The following CSMD2 variants were observed in gnomAD, a reference collection of about 807,000 sequenced individuals.
CSMD2 encodes CUB and Sushi multiple domains 2.
In CSMD2, 130 loss-of-function variants were observed where a neutral mutation model predicts 398.5. That is an observed-to-expected ratio of 0.33 (90% CI 0.28 to 0.38). The LOEUF (loss-of-function observed/expected upper bound fraction) is 0.38, where lower values mean the gene tolerates loss of function less well. Ranked by LOEUF, CSMD2 falls within the 10% of genes least tolerant of loss-of-function variation. CSMD2 has a pLI of 1.00. For missense variants in CSMD2, 3,829 were observed against 4,764.9 expected (o/e 0.80, Z 5.78); for synonymous variants, 1,828 against 1,908.5 (o/e 0.96, Z 1.10).
Position 33,616,924 on chromosome 1 carries a change from G to A in CSMD2, c.5998C>T (p.Pro2000Ser). 1 of 1,614,134 alleles carries A rather than the reference G, an allele frequency of 6.2e-7. No homozygotes were observed. The highest frequency in any genetic ancestry group is 8.5e-7 in the Non-Finnish European group (1 of 1,179,968). ...MPGTVRRWNY[P>S]PPLCIAQCGG... Reference sequence around the variant, plus strand: ...GTCTTACCAATACAGAGTGGAGGAGGGTAGTTCCATCGCCGCACTGTTCCG... The same window carrying A: ...GTCTTACCAATACAGAGTGGAGGAGAGTAGTTCCATCGCCGCACTGTTCCG... Residue 2000 changes from proline (P) to serine (S), a missense_variant, in exon 39 of 71, where the codon CCT becomes TCT. Physicochemically the swap from Pro to Ser is moderately conservative, Grantham distance 74. Coordinates refer to ENST00000373381, the MANE Select transcript of CSMD2 (RefSeq NM_001281956.2).
chr1:34,040,731 A>G (rs1031817180), intron 2 of CSMD2, among the ~76,000 whole-genome samples: 2 of 152,198 alleles, frequency 1.3e-5, no homozygotes, highest in Non-Finnish European at 2.9e-5. Context: ...CACCCATGAA[A>G]TGAGGCGAGA....
chr1:33,877,056 G>A (rs1310119120), intron 5 of CSMD2, among the ~76,000 whole-genome samples: 1 of 152,194 alleles, frequency 6.6e-6, no homozygotes, highest in African/African-American at 2.4e-5. Context: ...AAAGAGGGTA[G>A]GAGAATGACT....
Position 33,541,232 on chromosome 1 carries a change from T to A in CSMD2, c.9355A>T (p.Thr3119Ser), listed in dbSNP as rs1656305145. The change falls in exon 59 of 71, where the codon ACA becomes TCA. Residue 3119 changes from threonine (T) to serine (S), a missense_variant. Transcript: ENST00000373381. ...GNDFRYNKTV[T>S]YQCVPGYMME... ...ATATAGCCAGGGACACACTGATATG[T>A]CACAGTTTTGTTGTACCTGAAGTCA... is the stretch of plus-strand genomic sequence containing the variant. 1 of 1,613,912 alleles carries A rather than the reference T, an allele frequency of 6.2e-7. No homozygotes were observed. Among genetic ancestry groups the A allele is most frequent in the Non-Finnish European group, 8.5e-7 (1 of 1,179,946 alleles).
chr1:34,067,909 GTCAGGATTGGGGAGGCACA>G (rs1240050531), intron 2 of CSMD2, among the ~76,000 whole-genome samples: 1 of 152,210 alleles, frequency 6.6e-6, no homozygotes, highest in Non-Finnish European at 1.5e-5. Flanking sequence ...ACTCCAGGAA[GTCAGGATTGGGGAGGCACA>G]TCCCCAGGTA....
At chr1:33,868,066 A>T (rs1384679477) in intron 5 of CSMD2, among the ~76,000 whole-genome samples, 1 of 152,164 alleles carries the variant, frequency 6.6e-6, no homozygotes, top group East Asian at 1.9e-4. Context: ...ATGTAATGAC[A>T]ATGGAGAGAG....
At chr1:33,591,928 A>G (rs1287871264) in intron 44 of CSMD2, 9 of 169,664 alleles carry the variant, frequency 5.3e-5, no homozygotes, top group Admixed American at 3.3e-4. Context: ...CTAATCTCTT[A>G]CTATTTTTAC....
In CSMD2 at chr1:33,635,534, C is replaced by T. The variant is rs1032262473; in HGVS notation, c.4970-204G>A. On this transcript the variant is annotated intron_variant, in intron 30 of 70. Transcript: ENST00000373381. This position sits in a 1 kb window ranked among gnomAD's most constrained non-coding sequence, Gnocchi z 5.0. ...GGCCTGGCATGTAGCCTGAAACTTGCCCTGAAGCTACCGAGGGCCCTCTTG... is the reference window on the plus strand; with the variant it reads ...GGCCTGGCATGTAGCCTGAAACTTGTCCTGAAGCTACCGAGGGCCCTCTTG... Among the ~76,000 whole-genome samples, 1 of 152,216 alleles carries T rather than the reference C, an allele frequency of 6.6e-6. No individual in the cohort carries two copies. Among genetic ancestry groups the T allele is most frequent in the African/African-American group, 2.4e-5 (1 of 41,452 alleles).
chr1:33,532,076 G>A lies in CSMD2; in HGVS notation c.10171+974C>T, dbSNP rs958400583. Among the ~76,000 whole-genome samples the A allele has an allele frequency of 2.6e-5, 4 of 152,144 alleles. No homozygotes were observed. In the East Asian group the frequency reaches 5.8e-4, roughly 22 times the overall value. ...AGTGATACCATGAAAATAAAACACC[G>A]TTAGTAAGTTCTAGCTCTGATATAG... On this transcript the variant is annotated intron_variant, in intron 64 of 70. Coordinates refer to ENST00000373381, the MANE Select transcript of CSMD2 (RefSeq NM_001281956.2).
intron 26 of CSMD2, among the ~76,000 whole-genome samples, chr1:33,659,128 A>G (rs899500023): frequency 2.0e-5 from 3 of 152,210 alleles, no homozygotes; most frequent in African/African-American, 7.2e-5. Context: ...AATTCAAAAT[A>G]CTCAGGAATT....
chr1:33,568,187 A>ATT (rs1407612811), intron 52 of CSMD2, among the ~76,000 whole-genome samples: 1 of 63,038 alleles, frequency 1.6e-5, no homozygotes, highest in Non-Finnish European at 3.3e-5. Flanking sequence ...ACTCAGGAGC[A>ATT]TCTTTTTTTT....
At chr1:34,022,900 C>T (rs1405688422) in intron 3 of CSMD2, among the ~76,000 whole-genome samples, 2 of 152,084 alleles carry the variant, frequency 1.3e-5, no homozygotes, top group African/African-American at 2.4e-5. Context: ...GGCGCAATCA[C>T]AGCTCACTCC....
At chr1:34,101,515 T>C (rs988165823) in intron 1 of CSMD2, among the ~76,000 whole-genome samples, 1 of 152,258 alleles carries the variant, frequency 6.6e-6, no homozygotes, top group African/African-American at 2.4e-5. Context: ...TAGGAATACC[T>C]ATCTCACAGC....
intron 29 of CSMD2, among the ~76,000 whole-genome samples, chr1:33,642,580 C>T (rs550665459): frequency 6.6e-6 from 1 of 152,036 alleles, no homozygotes; most frequent in East Asian, 1.9e-4. Flanking sequence ...TGATTCCAGT[C>T]CTTTGGGAGT....
chr1:34,080,798 AATAG>A (rs1400822033), intron 2 of CSMD2, among the ~76,000 whole-genome samples: 5 of 152,242 alleles, frequency 3.3e-5, no homozygotes, highest in African/African-American at 4.8e-5. Context: ...GAGAGAAAAG[AATAG>A]ATAAAGATAA....
chr1:33,823,564 C>A (rs183502623), intron 7 of CSMD2, among the ~76,000 whole-genome samples: 1 of 152,098 alleles, frequency 6.6e-6, no homozygotes, highest in Admixed American at 6.5e-5. Context: ...AGGAAGGCAC[C>A]ACCTTCTACC....
chr1:33,929,717 C>T (rs934313148), intron 4 of CSMD2, among the ~76,000 whole-genome samples: 5 of 152,128 alleles, frequency 3.3e-5, no homozygotes, highest in African/African-American at 9.7e-5. Context: ...TGCTTCACCC[C>T]ATCCCTGCCC....
At chr1:34,030,120 CAT>C (rs1650220281) in intron 3 of CSMD2, among the ~76,000 whole-genome samples, 3 of 152,202 alleles carry the variant, frequency 2.0e-5, no homozygotes, top group Admixed American at 1.3e-4. Flanking sequence ...GGCTGTTCTA[CAT>C]GGCAGACAAG....
At chr1:34,071,192 G>A (rs1046253212) in intron 2 of CSMD2, among the ~76,000 whole-genome samples, 5 of 152,220 alleles carry the variant, frequency 3.3e-5, no homozygotes, top group African/African-American at 7.2e-5. Context: ...TATAAACTTC[G>A]TGAAAACATC....
In CSMD2 at chr1:33,739,485, G is replaced by C; in HGVS notation, c.2174-151C>G. 3 of 700,340 alleles carry C rather than the reference G, an allele frequency of 4.3e-6. No individual in the cohort carries two copies. In the South Asian group the frequency reaches 6.3e-5, roughly 15 times the overall value. 43.4% of individuals were successfully genotyped at this position (700,340 alleles called of 1,614,324 possible). Reference sequence around the variant, plus strand: ...TTGGCGGGAGAGCTAGGCATTCTAGGACCTCGGCATTAAGCAGGTGCTCAT... The same window carrying C: ...TTGGCGGGAGAGCTAGGCATTCTAGCACCTCGGCATTAAGCAGGTGCTCAT... On this transcript the variant is annotated intron_variant, in intron 14 of 70. Coordinates refer to ENST00000373381, the MANE Select transcript of CSMD2 (RefSeq NM_001281956.2).
Sources: gnomAD v4.1 joint callset for allele counts (sites outside exome capture counted in the v4.1 genomes callset) on GRCh38, gnomAD v4.1.1 for gene constraint, Gnocchi (gnomAD v3.1) non-coding constraint, MANE v1.5 for transcripts, NCBI Gene and HGNC (gene_info 2026-07-23, HGNC 2026-07-21) for gene names.